The following GRID2 variants were observed in gnomAD, a reference collection of about 807,000 sequenced individuals.
GRID2 encodes the protein glutamate receptor ionotropic, delta-2.
GRID2 carries 33 observed loss-of-function variants against 114.8 expected under a neutral mutation model. That is an observed-to-expected ratio of 0.29 (90% CI 0.22 to 0.38). The LOEUF (loss-of-function observed/expected upper bound fraction) is 0.38. Among genes scored for constraint, GRID2 ranks in the 10% least tolerant of loss-of-function variants. GRID2 has a pLI of 1.00. For synonymous variants in GRID2, 505 were observed against 449.9 expected (o/e 1.12, Z -1.55); for missense variants, 1,184 against 1,257.7 (o/e 0.94, Z 0.89).
chr4:93,660,036 G>A (rs1195814206), intron 14 of GRID2, among the ~76,000 whole-genome samples: 1 of 151,394 alleles, frequency 6.6e-6, no homozygotes, highest in Non-Finnish European at 1.5e-5. Flanking sequence ...TTCTGATGCA[G>A]GGTTGGAGGC....
At chr4:93,560,728 A>G (rs1003648575) in intron 13 of GRID2, among the ~76,000 whole-genome samples, 2 of 151,928 alleles carry the variant, frequency 1.3e-5, no homozygotes, top group Non-Finnish European at 2.9e-5. Flanking sequence ...AGTCCTCCCA[A>G]CTTGGCCTCC....
chr4:92,483,596 A>C (rs556301552), intron 1 of GRID2, among the ~76,000 whole-genome samples: 2 of 152,324 alleles, frequency 1.3e-5, no homozygotes, highest in South Asian at 4.1e-4. Flanking sequence ...AACACCAACC[A>C]CAAGATTCAG....
intron 2 of GRID2, among the ~76,000 whole-genome samples, chr4:92,774,228 A>G (rs1738678407): frequency 6.6e-6 from 1 of 152,104 alleles, no homozygotes; most frequent in South Asian, 2.1e-4. Flanking sequence ...GACAGGGGTG[A>G]GGCATGGGAT....
At chr4:92,833,683 A>G (rs1324088230) in intron 2 of GRID2, 1 of 152,230 alleles carries the variant, frequency 6.6e-6, no homozygotes, top group African/African-American at 2.4e-5. Flanking sequence ...TAAATTGAGA[A>G]TGAAATTGTA....
intron 14 of GRID2, among the ~76,000 whole-genome samples, chr4:93,709,584 G>A (rs1237593981): frequency 6.6e-6 from 1 of 152,120 alleles, no homozygotes; most frequent in Non-Finnish European, 1.5e-5. Flanking sequence ...TCTGTTTGAT[G>A]TTCTATAATC....
Position 92,716,042 on chromosome 4 carries a change from A to G in GRID2, c.244+125756A>G, listed in dbSNP as rs547016825. ...AAATGACTCCTTTATAAAAATCTTC[A>G]TTTATTCCCTATTAATGTGGCAAAC... On this transcript the variant is annotated intron_variant, in intron 2 of 15. Transcript: ENST00000282020. Among the ~76,000 whole-genome samples, 5 of 152,334 alleles carry G rather than the reference A, an allele frequency of 3.3e-5. No homozygotes were observed. In the South Asian group the frequency reaches 1.0e-3, roughly 32 times the overall value.
chr4:93,631,054 T>C (rs980664849), intron 14 of GRID2, among the ~76,000 whole-genome samples: 1 of 152,166 alleles, frequency 6.6e-6, no homozygotes, highest in Non-Finnish European at 1.5e-5. Flanking sequence ...TGAAGTAAAG[T>C]AACTTGTGCA....
intron 8 of GRID2, among the ~76,000 whole-genome samples, chr4:93,249,965 T>C: frequency 6.6e-6 from 1 of 152,118 alleles, no homozygotes; most frequent in Non-Finnish European, 1.5e-5. Context: ...GAACCAGAAA[T>C]ACCATTTGAC....
At chr4:93,226,429 A>C (rs760161489) in intron 7 of GRID2, among the ~76,000 whole-genome samples, 2 of 152,210 alleles carry the variant, frequency 1.3e-5, no homozygotes, top group African/African-American at 4.8e-5. Context: ...ACTGGTCCTA[A>C]GTAAGTCTAA....
intron 1 of GRID2, among the ~76,000 whole-genome samples, chr4:92,517,674 A>G (rs1724563255): frequency 6.6e-6 from 1 of 151,914 alleles, no homozygotes; most frequent in African/African-American, 2.4e-5. Context: ...ATGAGGTAGT[A>G]GTTTTTACCA....
intron 1 of GRID2, among the ~76,000 whole-genome samples, chr4:93,804,826 C>T (rs1735000113): frequency 6.6e-6 from 1 of 152,174 alleles, no homozygotes; most frequent in African/African-American, 2.4e-5. Context: ...ATGATTTCTT[C>T]TTTTATTATT....
At chr4:92,899,635 C>T (rs182791142) in intron 2 of GRID2, among the ~76,000 whole-genome samples, 4 of 152,140 alleles carry the variant, frequency 2.6e-5, no homozygotes, top group Non-Finnish European at 5.9e-5. Flanking sequence ...AAGAAGAACA[C>T]TATGATCTTC....
intron 14 of GRID2, among the ~76,000 whole-genome samples, chr4:93,745,697 A>C (rs1731785851): frequency 6.6e-6 from 1 of 152,180 alleles, no homozygotes; most frequent in Non-Finnish European, 1.5e-5. Context: ...TCAGAAGCTA[A>C]ATATGGAGCC....
intron 14 of GRID2, among the ~76,000 whole-genome samples, chr4:93,733,614 A>G (rs1271298713): frequency 6.6e-6 from 1 of 152,058 alleles, no homozygotes; most frequent in African/African-American, 2.4e-5. Flanking sequence ...ATACCTACCC[A>G]AGGAAAGAGA....
At chr4:93,128,886 C>G (rs11931460) in intron 4 of GRID2, among the ~76,000 whole-genome samples, 8 of 152,208 alleles carry the variant, frequency 5.3e-5, no homozygotes, top group African/African-American at 1.9e-4. Context: ...GTAGAACTTA[C>G]GCTTTGCATT....
chr4:92,861,582 T>C (rs1015552081), intron 2 of GRID2, among the ~76,000 whole-genome samples: 1 of 152,104 alleles, frequency 6.6e-6, no homozygotes, highest in Non-Finnish European at 1.5e-5. Context: ...CATTGCTTTT[T>C]TAAATTTTGT....
chr4:93,769,885 G>A (rs945361286), intron 15 of GRID2, among the ~76,000 whole-genome samples: 2 of 152,112 alleles, frequency 1.3e-5, no homozygotes, highest in Non-Finnish European at 1.5e-5. Flanking sequence ...AAAATGATCA[G>A]AATTTTCTCT....
At chr4:92,870,000 G>C (rs554541695) in intron 2 of GRID2, among the ~76,000 whole-genome samples, 2 of 151,718 alleles carry the variant, frequency 1.3e-5, no homozygotes, top group East Asian at 3.9e-4. Context: ...AGACCAGCCT[G>C]AGCAACCAAT....
intron 1 of GRID2, among the ~76,000 whole-genome samples, chr4:92,530,508 G>C (rs370657465): frequency 9.3e-6 from 1 of 107,238 alleles, no homozygotes; most frequent in Non-Finnish European, 1.9e-5. Context: ...GACTAGTACA[G>C]AAAAAAAAAA....
Sources: allele counts gnomAD v4.1 joint callset (sites outside exome capture counted in the v4.1 genomes callset), GRCh38; gene constraint gnomAD v4.1.1; transcripts MANE v1.5; gene names NCBI Gene and HGNC (gene_info 2026-07-23, HGNC 2026-07-21).